Variants in GSDMC observed in about 807,000 individuals in gnomAD.
GSDMC encodes gasdermin C, also known as gasdermin-C.
In GSDMC, 59 loss-of-function variants were observed where a neutral mutation model predicts 58.0. That is an observed-to-expected ratio of 1.02 (90% CI 0.82 to 1.26). The LOEUF (loss-of-function observed/expected upper bound fraction) is 1.26. Among genes scored for constraint, GSDMC ranks in the 50% most tolerant of loss-of-function variants. The pLI is 0.00. For missense variants in GSDMC, 659 were observed against 598.5 expected (o/e 1.10, Z -1.06); for synonymous variants, 241 against 220.2 (o/e 1.09, Z -0.83).
chr8:129,746,185 A>G (rs2032957878), downstream of GSDMC, among the ~76,000 whole-genome samples: 1 of 152,206 alleles, frequency 6.6e-6, no homozygotes, highest in South Asian at 2.1e-4. Context: ...GAAAAAGAAC[A>G]GTTTTATGCC....
At chr8:129,760,413 C>G in intron 6 of GSDMC, 132 bp downstream of exon 6, 1 of 522,532 alleles carries the variant, frequency 1.9e-6, no homozygotes, top group Non-Finnish European at 3.4e-6. Flanking sequence ...AAGATGAATA[C>G]TCCATTTTCC....
At chr8:129,711,703 C>T in the GSDMC span, among the ~76,000 whole-genome samples, 27 of 152,318 alleles carry the variant, frequency 1.8e-4, no homozygotes, top group East Asian at 3.3e-3. Context: ...TTACTGTGTG[C>T]GCTGGGCAAG....
At position 129,751,681 on chromosome 8, in the gene GSDMC, C is replaced by T. The variant is rs977479122; in HGVS notation, c.917-113G>A. ...CCTCCTCCCTCTTACTCAACTTCTT[C>T]CTGCCCCCATTCCCATTCATCCTCC... On this transcript the variant is annotated intron_variant, in intron 9 of 13. Coordinates refer to ENST00000276708, the MANE Select transcript of GSDMC (RefSeq NM_031415.3). 7.8e-6 allele frequency: 9 copies of T among 1,153,276 alleles called. No homozygotes were observed. In the East Asian group the frequency reaches 1.2e-4, roughly 15 times the overall value. The allele number at this position is 1,153,276 out of a possible 1,614,324, so 71.4% of individuals were successfully genotyped here.
At chr8:129,774,693 A>G (rs546868270) in intron 3 of GSDMC, among the ~76,000 whole-genome samples, 2 of 152,300 alleles carry the variant, frequency 1.3e-5, no homozygotes, top group South Asian at 4.1e-4. Context: ...TCTAAAATAT[A>G]TAAGGAACTC....
the GSDMC span, among the ~76,000 whole-genome samples, chr8:129,742,537 ACT>A: frequency 6.6e-6 from 1 of 151,836 alleles, no homozygotes; most frequent in East Asian, 1.9e-4. Flanking sequence ...TCTCTGTACA[ACT>A]CTTTCTTCTC....
chr8:129,747,619 G>A (rs2032996425), downstream of GSDMC, among the ~76,000 whole-genome samples: 1 of 152,182 alleles, frequency 6.6e-6, no homozygotes, highest in African/African-American at 2.4e-5. Flanking sequence ...AGGCAGAGGA[G>A]TGACATACAA....
chr8:129,705,975 A>T, the GSDMC span, among the ~76,000 whole-genome samples: 1 of 152,204 alleles, frequency 6.6e-6, no homozygotes, highest in Admixed American at 6.5e-5. Flanking sequence ...CAATATATTC[A>T]TATGGATGAA....
chr8:129,782,879 T>A (rs112923738), intron 1 of GSDMC, among the ~76,000 whole-genome samples: 2 of 147,726 alleles, frequency 1.4e-5, no homozygotes, highest in Admixed American at 6.7e-5. Context: ...ATTACCCTAA[T>A]AAAAAACAAG....
chr8:129,720,249 T>C, the GSDMC span, among the ~76,000 whole-genome samples: 1 of 152,230 alleles, frequency 6.6e-6, no homozygotes, highest in African/African-American at 2.4e-5. Flanking sequence ...AATAGAATAG[T>C]GCTTGTGATC....
intron 3 of GSDMC, among the ~76,000 whole-genome samples, chr8:129,766,247 C>T (rs970163997): frequency 3.3e-5 from 5 of 152,078 alleles, no homozygotes; most frequent in Admixed American, 3.3e-4. Context: ...TGGAATGAAG[C>T]GAGAAGACTC....
At chr8:129,732,383 G>A in the GSDMC span, among the ~76,000 whole-genome samples, 2 of 150,628 alleles carry the variant, frequency 1.3e-5, no homozygotes, top group African/African-American at 4.9e-5. Flanking sequence ...ACACCCCCTA[G>A]GGAGGGGGGA....
At chr8:129,773,392 T>C (rs1269253731) in intron 3 of GSDMC, among the ~76,000 whole-genome samples, 1 of 152,170 alleles carries the variant, frequency 6.6e-6, no homozygotes, top group Non-Finnish European at 1.5e-5. Flanking sequence ...ATTTAAAAAA[T>C]GTTAGAATTA....
intron 6 of GSDMC, among the ~76,000 whole-genome samples, chr8:129,753,290 C>A (rs2033290387): frequency 6.6e-6 from 1 of 152,166 alleles, no homozygotes; most frequent in African/African-American, 2.4e-5. Flanking sequence ...TTCTGTCCCG[C>A]ATCGTGGATA....
chr8:129,771,558 C>A (rs570347454), intron 3 of GSDMC, among the ~76,000 whole-genome samples: 1 of 152,014 alleles, frequency 6.6e-6, no homozygotes, highest in Non-Finnish European at 1.5e-5. Context: ...ATTGAACAAC[C>A]AGTGGGTCAA....
the GSDMC span, chr8:129,707,199 A>G: frequency 1.3e-5 from 2 of 152,196 alleles, no homozygotes; most frequent in African/African-American, 4.8e-5. Context: ...AGAAAAAAAA[A>G]AAAAAAGCCC....
chr8:129,777,436 T>G lies in GSDMC; in HGVS notation c.152A>C (p.Glu51Ala). ...KKKDSRSSFW[E>A]QSDYVPVEFS... The stretch of plus-strand genomic sequence containing the variant: ...TTCAACTGGAACATAGTCAGATTGT[T>G]CCCAAAATGATGAACGAGAATCCTT... The change falls in exon 2 of 14, where the codon GAA (glutamate) becomes GCA (alanine). Residue 51 changes from glutamate to alanine, a missense_variant. By Grantham distance (107) the Glu-to-Ala change is moderately radical (BLOSUM62 -1). Transcript: ENST00000276708. 6.2e-7 allele frequency: 1 copy of G among 1,613,940 alleles called. No individual in the cohort carries two copies. The highest frequency in any genetic ancestry group is 8.5e-7 in the Non-Finnish European group (1 of 1,179,804).
chr8:129,735,388 T>C, the GSDMC span, among the ~76,000 whole-genome samples: 1 of 152,172 alleles, frequency 6.6e-6, no homozygotes, highest in Admixed American at 6.5e-5. Flanking sequence ...TATTCCAAAA[T>C]TGACCACATA....
intron 6 of GSDMC, among the ~76,000 whole-genome samples, chr8:129,755,675 A>G (rs1451588004): frequency 6.6e-6 from 1 of 152,178 alleles, no homozygotes; most frequent in Admixed American, 6.5e-5. Context: ...ATAGTACAAT[A>G]AGACATAAAG....
chr8:129,762,194 TG>T (rs769685441), intron 5 of GSDMC, among the ~76,000 whole-genome samples: 39 of 152,316 alleles, frequency 2.6e-4, no homozygotes, highest in Middle Eastern at 3.4e-3. Flanking sequence ...TAGGACATCG[TG>T]TCTGCAGTTT....
Sources: allele counts gnomAD v4.1 joint callset (sites outside exome capture counted in the v4.1 genomes callset), GRCh38; gene constraint gnomAD v4.1.1; transcripts MANE v1.5; gene names NCBI Gene and HGNC (gene_info 2026-07-23, HGNC 2026-07-21).